Variants in TEX10 observed in about 807,000 individuals in gnomAD.
The protein encoded by TEX10 is testis-expressed protein 10.
TEX10 carries 24 observed loss-of-function variants against 104.4 expected under a neutral mutation model. That is an observed-to-expected ratio of 0.23 (90% CI 0.17 to 0.32). The LOEUF (loss-of-function observed/expected upper bound fraction) is 0.32, where lower values mean the gene tolerates loss of function less well. Among genes scored for constraint, TEX10 ranks in the 10% least tolerant of loss-of-function variants. TEX10 has a pLI of 1.00. For missense variants in TEX10, 921 were observed against 1,083.9 expected (o/e 0.85, Z 2.11); for synonymous variants, 396 against 393.4 (o/e 1.01, Z -0.08).
Position 100,349,212 on chromosome 9 carries a change from G to C in TEX10, c.152C>G (p.Pro51Arg). 1 of 1,549,770 alleles carries C rather than the reference G, an allele frequency of 6.5e-7. No individual in the cohort carries two copies. Among genetic ancestry groups the C allele is most frequent in the Non-Finnish European group, 8.6e-7 (1 of 1,156,472 alleles). ...TATGTTAAGTTTTCTATTGTTTGTT[G>C]GAAGTGTTCCATCCTCTTTGAGTTG... The part of the protein sequence containing the change: ...PEQLKEDGTL[P>R]TNNRKLNIKD... Residue 51 changes from proline to arginine, a missense_variant, in exon 2 of 15, where the codon CCA (proline) becomes CGA (arginine). Coordinates refer to ENST00000374902, the MANE Select transcript of TEX10 (RefSeq NM_017746.4).
chr9:100,329,135 T>G lies in TEX10; in HGVS notation c.1625+5A>C, dbSNP rs752752649. ...AAAAAGAAAGGAAAAATAACAAGAT[T>G]TTACCTGAATCTACAAGATCTCAGT... On this transcript the variant is annotated splice_donor_5th_base_variant and intron_variant, in intron 7 of 14. Coordinates refer to ENST00000374902, the MANE Select transcript of TEX10 (RefSeq NM_017746.4). The G allele has an allele frequency of 6.3e-7, 1 of 1,586,622 alleles. No homozygotes were observed. The highest frequency in any genetic ancestry group is 8.5e-7 in the Non-Finnish European group (1 of 1,173,802).
At chr9:100,314,699 G>T (rs1834371006) in intron 11 of TEX10, among the ~76,000 whole-genome samples, 1 of 151,844 alleles carries the variant, frequency 6.6e-6, no homozygotes, top group Non-Finnish European at 1.5e-5. Flanking sequence ...ATTGTTTTTT[G>T]ATCTCTATTT....
chr9:100,329,812 C>T (rs1834809652), intron 6 of TEX10, 119 bp downstream of exon 6: 1 of 892,336 alleles, frequency 1.1e-6, no homozygotes, highest in Non-Finnish European at 1.7e-6. Flanking sequence ...CCTTTTATGG[C>T]TTGAATACAA....
chr9:100,352,840 C>T lies in TEX10; in HGVS notation c.-78G>A. ...AGCGAGGGAGCAGAAGCCCACGGGG[C>T]AACAGCGTGCGCCGCCGACCTCAGG... On this transcript the variant is annotated 5_prime_UTR_variant, in exon 1 of 15. Transcript: ENST00000374902. The T allele has an allele frequency of 2.6e-5, 27 of 1,020,782 alleles. No homozygotes were observed. The highest frequency in any genetic ancestry group is 3.2e-5 in the Non-Finnish European group (27 of 854,736). 63.2% of individuals were successfully genotyped at this position (1,020,782 alleles called of 1,614,324 possible).
intron 10 of TEX10, 116 bp from the exon 11 acceptor site, chr9:100,320,514 T>C (rs1291719528): frequency 4.2e-5 from 50 of 1,182,074 alleles, no homozygotes; most frequent in Non-Finnish European, 3.4e-5. Flanking sequence ...AGCTACCTTG[T>C]TTTCTCTGAG....
chr9:100,308,164 G>A, intron 13 of TEX10, among the ~76,000 whole-genome samples: 1 of 152,098 alleles, frequency 6.6e-6, no homozygotes, highest in East Asian at 1.9e-4. Flanking sequence ...ACAAAGGTTG[G>A]TACTAATAGC....
chr9:100,331,053 C>G (rs1834850051), intron 5 of TEX10, among the ~76,000 whole-genome samples: 1 of 151,146 alleles, frequency 6.6e-6, no homozygotes, highest in South Asian at 2.1e-4. Context: ...GTCAGGAGTT[C>G]AAGACCACCC....
chr9:100,352,294 G>C, intron 1 of TEX10: 1 of 1,497,854 alleles, frequency 6.7e-7, no homozygotes, highest in South Asian at 1.2e-5. Flanking sequence ...GGCGACCCCA[G>C]AAAACTGGTA....
At chr9:100,352,397 T>C in intron 1 of TEX10, 1 of 1,551,738 alleles carries the variant, frequency 6.4e-7, no homozygotes, top group Non-Finnish European at 8.7e-7. Context: ...CGGTCCTGCA[T>C]CCATCCCAGA....
intron 11 of TEX10, among the ~76,000 whole-genome samples, chr9:100,319,980 CT>C (rs1360094302): frequency 2.8e-4 from 42 of 152,288 alleles, no homozygotes; most frequent in Non-Finnish European, 5.9e-4. Context: ...CCAACTCTTA[CT>C]TAAGTCTTAT....
intron 11 of TEX10, among the ~76,000 whole-genome samples, chr9:100,311,679 A>G (rs1393636675): frequency 2.0e-5 from 3 of 152,244 alleles, no homozygotes. Flanking sequence ...CTGCACAAAA[A>G]GTAGAGAGTT....
In TEX10 at chr9:100,352,884, G is replaced by A. The variant is rs536219348; in HGVS notation, c.-122C>T. The A allele has an allele frequency of 1.0e-5, 10 of 996,458 alleles. No individual in the cohort carries two copies. The East Asian group carries it at 9.9e-4, about 98-fold the overall frequency. The allele number at this position is 996,458 out of a possible 1,614,324, so 61.7% of individuals were successfully genotyped here. A position where few individuals can be genotyped will look rare whatever the true frequency, so the allele number is the denominator to read the frequency against. The stretch of plus-strand genomic sequence containing the variant: ...CCTCAGGCTCTAGCTCCCGGAGCGT[G>A]TTTTCAAATAGCCTCGTCCTCACGC... On this transcript the variant is annotated 5_prime_UTR_variant, in exon 1 of 15. Transcript: ENST00000374902.
chr9:100,322,814 C>G (rs553431842), intron 9 of TEX10, among the ~76,000 whole-genome samples: 22 of 152,204 alleles, frequency 1.4e-4, no homozygotes, highest in Admixed American at 3.3e-4. Flanking sequence ...TGGGGTTTCA[C>G]CATGTTGACC....
intron 4 of TEX10, among the ~76,000 whole-genome samples, chr9:100,343,447 GA>G (rs930086458): frequency 7.5e-5 from 11 of 145,942 alleles, no homozygotes; most frequent in Admixed American, 3.4e-4. Context: ...ATATGAACAG[GA>G]AAAAAAAAAG....
intron 6 of TEX10, 147 bp from the exon 7 acceptor site, chr9:100,329,422 T>C: frequency 1.2e-6 from 1 of 823,744 alleles, no homozygotes; most frequent in Non-Finnish European, 1.9e-6. Context: ...TGAAGTCCTA[T>C]AGCAATAGCC....
chr9:100,306,279 T>G (rs1249631487), intron 13 of TEX10: 1 of 152,024 alleles, frequency 6.6e-6, no homozygotes, highest in Non-Finnish European at 1.5e-5. Context: ...ATAATAACTT[T>G]CCAGACTTGA....
At chr9:100,305,747 AAC>A (rs2118823440) in intron 13 of TEX10, 1 of 152,346 alleles carries the variant, frequency 6.6e-6, no homozygotes, top group South Asian at 2.1e-4. Flanking sequence ...AAGGATTTTC[AAC>A]AGTCAACAGT....
chr9:100,303,678 A>G lies in TEX10; in HGVS notation c.2630T>C (p.Met877Thr), dbSNP rs774571498. 2.5e-6 allele frequency: 4 copies of G among 1,614,034 alleles called. No homozygotes were observed. The highest frequency in any genetic ancestry group is 2.2e-5 in the East Asian group (1 of 44,892). Residue 877 changes from methionine to threonine, a missense_variant, in exon 14 of 15, where the codon ATG becomes ACG. Met to Thr is a moderately conservative substitution (Grantham distance 81). Coordinates refer to ENST00000374902, the MANE Select transcript of TEX10 (RefSeq NM_017746.4). The stretch of plus-strand genomic sequence containing the variant: ...CTGCACCAAGATCGCATTGGTCAAC[A>G]TATGAGTCCTGAGGGGTGCATGCTG... The part of the protein sequence containing the change: ...LLQHAPLRTH[M>T]LTNAILVQQI...
At chr9:100,352,393 T>C (rs774216972) in intron 1 of TEX10, 6 of 1,551,754 alleles carry the variant, frequency 3.9e-6, no homozygotes, top group African/African-American at 1.4e-5. Flanking sequence ...TATTCGGTCC[T>C]GCATCCATCC....
Sources: gnomAD v4.1 joint callset for allele counts (sites outside exome capture counted in the v4.1 genomes callset) on GRCh38, gnomAD v4.1.1 for gene constraint, MANE v1.5 for transcripts, NCBI Gene and HGNC (gene_info 2026-07-23, HGNC 2026-07-21) for gene names.